Variants in GRHL2 observed in about 807,000 individuals in gnomAD.
The protein encoded by GRHL2 is grainyhead like transcription factor 2.
In GRHL2, 21 loss-of-function variants were observed where a neutral mutation model predicts 83.8. The observed-to-expected ratio is 0.25, with a 90% confidence interval of 0.18 to 0.36. GRHL2 has a LOEUF of 0.36. GRHL2 is among the 10% of genes least tolerant of loss of function. GRHL2 has a pLI of 1.00. For synonymous variants in GRHL2, 280 were observed against 278.9 expected (o/e 1.00, Z -0.04); for missense variants, 623 against 781.8 (o/e 0.80, Z 2.42).
intron 1 of GRHL2, among the ~76,000 whole-genome samples, chr8:101,519,308 G>A (rs1042761746): frequency 6.6e-6 from 1 of 152,002 alleles, no homozygotes; most frequent in Admixed American, 6.6e-5. Flanking sequence ...ACAGCTGTGA[G>A]CCACTGTACT....
In GRHL2 at chr8:101,666,665, A is replaced by G; in HGVS notation, c.1840A>G (p.Met614Val). The G allele has an allele frequency of 9.9e-6, 16 of 1,613,528 alleles. No individual in the cohort carries two copies. Among genetic ancestry groups the G allele is most frequent in the Non-Finnish European group, 1.3e-5 (15 of 1,179,474 alleles). Residue 614 changes from methionine (M) to valine (V), a missense_variant, in exon 16 of 16, where the codon ATG becomes GTG. Transcript: ENST00000646743. ...EDTFILNMES[M>V]VEGFKVTLME... Reference sequence around the variant, plus strand: ...CACCTTCATCCTCAACATGGAGAGCATGGTGGAGGGCTTCAAGGTCACGCT... The same window carrying G: ...CACCTTCATCCTCAACATGGAGAGCGTGGTGGAGGGCTTCAAGGTCACGCT...
intron 11 of GRHL2, among the ~76,000 whole-genome samples, chr8:101,634,880 G>T (rs746912116): frequency 6.6e-6 from 1 of 152,266 alleles, no homozygotes; most frequent in South Asian, 2.1e-4. Context: ...AATCCAATGT[G>T]CAGGTGCTAT....
chr8:101,500,616 C>T (rs1178209882), intron 1 of GRHL2, among the ~76,000 whole-genome samples: 4 of 152,162 alleles, frequency 2.6e-5, no homozygotes, highest in African/African-American at 9.7e-5. Context: ...TCAAGCAGTT[C>T]TCCTACCTCA....
rs372186641 is a variant in GRHL2, at chr8:101,631,737, G to C, written c.1345+13G>C. On this transcript the variant is annotated intron_variant, in intron 10 of 15. Transcript: ENST00000646743. The stretch of plus-strand genomic sequence containing the variant: ...CAATGCAACAGCTGTGAGTTTCACT[G>C]AGACTAATGTTGCTTTCTAAAGACT... 10 of 1,604,936 alleles carry C rather than the reference G, an allele frequency of 6.2e-6. No individual in the cohort carries two copies. Among genetic ancestry groups the C allele is most frequent in the Non-Finnish European group, 8.5e-6 (10 of 1,171,910 alleles).
chr8:101,588,800 G>T (rs1390479320), intron 7 of GRHL2, among the ~76,000 whole-genome samples: 1 of 152,146 alleles, frequency 6.6e-6, no homozygotes, highest in African/African-American at 2.4e-5. Context: ...TCACACTGAG[G>T]GTTGTTAGAC....
At position 101,517,091 on chromosome 8, in the gene GRHL2, A is replaced by G. The variant is rs145431269; in HGVS notation, c.20+24302A>G. On this transcript the variant is annotated intron_variant, in intron 1 of 15. Coordinates refer to ENST00000646743, the MANE Select transcript of GRHL2 (RefSeq NM_024915.4). ...CCTGGGGCCTCTGCTTCGATTGAGG[A>G]CCGTCGCTTTGGCTCTTCACATCTC... 1.6e-3 allele frequency among the ~76,000 whole-genome samples: 242 copies of G among 152,146 alleles called. 1 individual carries two copies. The highest frequency in any genetic ancestry group is 2.9e-3 in the Non-Finnish European group (196 of 68,004).
At chr8:101,534,626 A>G (rs1014117756) in intron 1 of GRHL2, among the ~76,000 whole-genome samples, 14 of 152,168 alleles carry the variant, frequency 9.2e-5, no homozygotes, top group African/African-American at 3.4e-4. Flanking sequence ...TGGCTACCAC[A>G]GAGACAGTGC....
chr8:101,644,373 T>C, intron 13 of GRHL2, 148 bp downstream of exon 13: 2 of 692,440 alleles, frequency 2.9e-6, no homozygotes, highest in South Asian at 1.6e-5. Flanking sequence ...GTCTTCTTCT[T>C]TGCTTTAAAC....
intron 1 of GRHL2, among the ~76,000 whole-genome samples, chr8:101,505,748 A>T (rs907716662): frequency 6.6e-6 from 1 of 152,170 alleles, no homozygotes; most frequent in East Asian, 1.9e-4. Flanking sequence ...AAAAACACAA[A>T]TTTGCATTTC....
At chr8:101,638,994 T>G (rs1208792852) in intron 12 of GRHL2, among the ~76,000 whole-genome samples, 1 of 152,192 alleles carries the variant, frequency 6.6e-6, no homozygotes, top group Admixed American at 6.5e-5. Flanking sequence ...ATCTCGAAGA[T>G]TCCATCCAAC....
intron 6 of GRHL2, 81 bp from the exon 7 acceptor site, chr8:101,577,327 C>G: frequency 1.2e-6 from 1 of 863,670 alleles, no homozygotes; most frequent in Middle Eastern, 2.2e-4. Context: ...AAACACACCT[C>G]TGGTAGAACT....
Position 101,558,680 on chromosome 8 carries a change from A to T in GRHL2, c.546A>T (p.Gln182His). 6.2e-7 allele frequency: 1 copy of T among 1,614,190 alleles called. No homozygotes were observed. The highest frequency in any genetic ancestry group is 8.5e-7 in the Non-Finnish European group (1 of 1,180,020). ...ATCCCCGGGGAGATGGGGAAGAGCA[A>T]CGAGTGGTTATCTTTGAACAGACTC... is the stretch of plus-strand genomic sequence containing the variant. ...VHYPRGDGEE[Q>H]RVVIFEQTQY... The change falls in exon 4 of 16, where the codon CAA becomes CAT. Residue 182 changes from glutamine (Q) to histidine (H), a missense_variant. Gln to His is a conservative substitution (Grantham distance 24, BLOSUM62 0). This residue lies in a region of GRHL2 where 239 missense variants were observed against 240.5 expected (regional missense o/e 0.99). Transcript: ENST00000646743.
At chr8:101,609,341 C>A (rs1202993545) in intron 8 of GRHL2, among the ~76,000 whole-genome samples, 1 of 108,266 alleles carries the variant, frequency 9.2e-6, no homozygotes, top group Non-Finnish European at 1.8e-5. Flanking sequence ...GTTAGAAACA[C>A]AAATACTTGT....
chr8:101,618,846 T>G (rs1812906698), intron 8 of GRHL2, among the ~76,000 whole-genome samples: 1 of 152,196 alleles, frequency 6.6e-6, no homozygotes, highest in Admixed American at 6.5e-5. Flanking sequence ...TCTGATTTTT[T>G]TTTTTATTCC....
In GRHL2 at chr8:101,558,755, C is replaced by T; in HGVS notation, c.621C>T (p.Asp207=). ...LATHSAYLKD[D]QRSTPDSTYS... ...CCCACAGCGCCTATCTCAAAGACGACCAGCGCAGCACTCCGGACAGCACAT... is the reference window on the plus strand; with the variant it reads ...CCCACAGCGCCTATCTCAAAGACGATCAGCGCAGCACTCCGGACAGCACAT... The change falls in exon 4 of 16, where the codon GAC becomes GAT. Residue 207 remains aspartate (D), a synonymous_variant. Coordinates refer to ENST00000646743, the MANE Select transcript of GRHL2 (RefSeq NM_024915.4). The T allele has an allele frequency of 6.2e-7, 1 of 1,614,146 alleles. No individual in the cohort carries two copies. The highest frequency in any genetic ancestry group is 8.5e-7 in the Non-Finnish European group (1 of 1,180,030).
chr8:101,582,957 G>A (rs1181366708), intron 7 of GRHL2, among the ~76,000 whole-genome samples: 1 of 152,194 alleles, frequency 6.6e-6, no homozygotes, highest in Non-Finnish European at 1.5e-5. Context: ...AGAGATCCAA[G>A]ATGTGTAAGA....
At position 101,562,305 on chromosome 8, in the gene GRHL2, C is replaced by G. The variant is rs1811623651; in HGVS notation, c.678+3493C>G. ...TTCAAATGAATTATACGCCGTAAGC[C>G]CTTTACCAGCTGCTTTCAGGAATGC... On this transcript the variant is annotated intron_variant, in intron 4 of 15. Coordinates refer to ENST00000646743, the MANE Select transcript of GRHL2 (RefSeq NM_024915.4). 4.9e-6 allele frequency: 3 copies of G among 610,528 alleles called. No individual in the cohort carries two copies. In the Admixed American group the frequency reaches 7.4e-5, roughly 15 times the overall value. The allele number at this position is 610,528 out of a possible 1,614,324, so 37.8% of individuals were successfully genotyped here.
At chr8:101,678,088 C>T in the GRHL2 span, among the ~76,000 whole-genome samples, 1 of 152,100 alleles carries the variant, frequency 6.6e-6, no homozygotes, top group African/African-American at 2.4e-5. Context: ...AGAAGGAGGT[C>T]CGGAATAGGA....
chr8:101,602,616 G>A (rs925644906), intron 8 of GRHL2, among the ~76,000 whole-genome samples: 19 of 152,120 alleles, frequency 1.2e-4, no homozygotes, highest in Admixed American at 9.8e-4. Flanking sequence ...AAAAATCCAG[G>A]TTTTTAAGTC....
Sources: allele counts gnomAD v4.1 joint callset (sites outside exome capture counted in the v4.1 genomes callset), GRCh38; gene constraint gnomAD v4.1.1; regional missense constraint gnomAD v4.1.1; transcripts MANE v1.5; gene names NCBI Gene and HGNC (gene_info 2026-07-23, HGNC 2026-07-21).